RBPJ: variants seen among roughly 807,000 people sequenced by gnomAD.
RBPJ encodes recombination signal binding protein for immunoglobulin kappa J region, also known as recombining binding protein suppressor of hairless.
In RBPJ, 9 loss-of-function variants were observed where a neutral mutation model predicts 67.8. That is an observed-to-expected ratio of 0.13 (90% CI 0.08 to 0.23). The LOEUF is 0.23. RBPJ is among the 10% of genes least tolerant of loss of function. RBPJ has a pLI of 1.00. For synonymous variants in RBPJ, 198 were observed against 203.3 expected (o/e 0.97, Z 0.22); for missense variants, 305 against 595.6 (o/e 0.51, Z 5.08).
chr4:26,401,823 G>A (rs773410388), intron 2 of RBPJ, among the ~76,000 whole-genome samples: 1 of 151,002 alleles, frequency 6.6e-6, no homozygotes, highest in Non-Finnish European at 1.5e-5. Flanking sequence ...GGGAAATTTT[G>A]TGCCAGTTTT....
At chr4:26,365,067 A>G (rs1325639710) in intron 1 of RBPJ, among the ~76,000 whole-genome samples, 1 of 150,826 alleles carries the variant, frequency 6.6e-6, no homozygotes, top group Non-Finnish European at 1.5e-5. Flanking sequence ...AAAAATAAGC[A>G]TATTGTTATA....
chr4:26,193,367 T>A lies in RBPJ; in HGVS notation c.-167+29753T>A, dbSNP rs186858718. Among the ~76,000 whole-genome samples, 1,316 of 152,330 alleles carry A rather than the reference T, an allele frequency of 8.6e-3. 13 individuals are homozygous for A. The highest frequency in any genetic ancestry group is 0.03 in the African/African-American group (1,264 of 41,566). ...ATATTGAAAATGAAGGTGCCTCTTGTCTCAGTTTTGGAATAAGTAAAGGTT... is the reference window on the plus strand; with the variant it reads ...ATATTGAAAATGAAGGTGCCTCTTGACTCAGTTTTGGAATAAGTAAAGGTT... On this transcript the variant is annotated intron_variant, in intron 1 of 4. Coordinates refer to the RBPJ transcript ENST00000512351.
At chr4:26,249,017 T>C (rs1720012498) in intron 1 of RBPJ, among the ~76,000 whole-genome samples, 1 of 152,204 alleles carries the variant, frequency 6.6e-6, no homozygotes, top group Admixed American at 6.5e-5. Flanking sequence ...GGTTTCAAAA[T>C]ATGAATTGTC....
chr4:26,135,339 G>A, the RBPJ span, among the ~76,000 whole-genome samples: 1 of 152,052 alleles, frequency 6.6e-6, no homozygotes, highest in Non-Finnish European at 1.5e-5. Context: ...ACAACCCTCT[G>A]AAGGAGTGTG....
intron 4 of RBPJ, 80 bp from the exon 5 acceptor site, chr4:26,420,471 A>T (rs772781963): frequency 2.0e-4 from 189 of 932,240 alleles, no homozygotes; most frequent in Non-Finnish European, 2.7e-4. Flanking sequence ...TATTACTTAA[A>T]CCATGGCCAT....
chr4:26,244,891 C>A (rs1719875056), intron 1 of RBPJ, among the ~76,000 whole-genome samples: 2 of 151,904 alleles, frequency 1.3e-5, no homozygotes, highest in African/African-American at 4.8e-5. Flanking sequence ...GCCTCAGCCT[C>A]GCAAAGTGCT....
chr4:26,149,700 A>G, the RBPJ span, among the ~76,000 whole-genome samples: 2 of 152,212 alleles, frequency 1.3e-5, no homozygotes, highest in African/African-American at 2.4e-5. Flanking sequence ...TCCAGGTGCC[A>G]GCACCTTGTT....
At position 26,430,076 on chromosome 4, in the gene RBPJ, G is replaced by T; in HGVS notation, c.1044+23G>T. On this transcript the variant is annotated intron_variant, in intron 9 of 10. Transcript: ENST00000355476. This position sits in a 1 kb window ranked among gnomAD's most constrained non-coding sequence, Gnocchi z 4.1. ...CAGGTGAGAACGCCTAGTCCAAGTT[G>T]GCCTTCAGCTCTTTGCAGCTACTCT... The T allele has an allele frequency of 6.2e-7, 1 of 1,613,308 alleles. No individual in the cohort carries two copies. The highest frequency in any genetic ancestry group is 2.2e-5 in the East Asian group (1 of 44,880).
At chr4:26,109,472 A>C in the RBPJ span, among the ~76,000 whole-genome samples, 5 of 43,668 alleles carry the variant, frequency 1.1e-4, no homozygotes, top group African/African-American at 4.5e-4. Context: ...ATATATATAT[A>C]TATATATATA....
rs1553849146 is a variant in RBPJ, at chr4:26,210,686, C to CCTTT, written c.-167+47090_-167+47093dup. Among the ~76,000 whole-genome samples the CCTTT allele has an allele frequency of 4.7e-4, 31 of 65,434 alleles. 1 individual carries two copies. The highest frequency in any genetic ancestry group is 1.5e-3 in the African/African-American group (29 of 18,930). 42.9% of individuals were successfully genotyped at this position (65,434 alleles called of 152,430 possible). ...TTTTTCTTTCTTTCTTTCTTTCTTT[C>CCTTT]CTTTCTTTCTTTCTTTCTTTCCTTC... is the stretch of plus-strand genomic sequence containing the variant. On this transcript the variant is annotated intron_variant, in intron 1 of 4. Transcript: ENST00000512351.
intron 1 of RBPJ, among the ~76,000 whole-genome samples, chr4:26,250,888 A>G (rs1720087311): frequency 6.6e-6 from 1 of 152,186 alleles, no homozygotes; most frequent in East Asian, 1.9e-4. Context: ...ATTGCTTTGT[A>G]TTCCATCGTG....
chr4:26,155,234 T>C, the RBPJ span, among the ~76,000 whole-genome samples: 2 of 152,152 alleles, frequency 1.3e-5, no homozygotes, highest in South Asian at 2.1e-4. Flanking sequence ...TTTGACCATT[T>C]CCAGCTAACT....
intron 2 of RBPJ, among the ~76,000 whole-genome samples, chr4:26,400,009 TAAATG>T (rs1303187599): frequency 6.6e-6 from 1 of 152,216 alleles, no homozygotes; most frequent in African/African-American, 2.4e-5. Context: ...AAGAAATCAT[TAAATG>T]AAATTAGTAA....
At chr4:26,129,993 C>T in the RBPJ span, among the ~76,000 whole-genome samples, 3 of 152,130 alleles carry the variant, frequency 2.0e-5, no homozygotes, top group Non-Finnish European at 4.4e-5. Flanking sequence ...TTCTTAGTAG[C>T]TGGGAGTACA....
intron 1 of RBPJ, among the ~76,000 whole-genome samples, chr4:26,351,542 G>C (rs1380366287): frequency 6.6e-6 from 1 of 152,172 alleles, no homozygotes; most frequent in East Asian, 1.9e-4. Flanking sequence ...CACCACACCT[G>C]GCTAATTTTT....
chr4:26,165,850 A>G (rs1716267556), intron 1 of RBPJ, among the ~76,000 whole-genome samples: 1 of 146,588 alleles, frequency 6.8e-6, no homozygotes, highest in Non-Finnish European at 1.5e-5. Flanking sequence ...ATGTCTCCTA[A>G]TGCTATCCCT....
At chr4:26,327,542 GTTTTTTTTT>G (rs11350013) in intron 1 of RBPJ, among the ~76,000 whole-genome samples, 19 of 104,904 alleles carry the variant, frequency 1.8e-4, no homozygotes, top group African/African-American at 3.4e-4. Flanking sequence ...GACCCTGGAG[GTTTTTTTTT>G]TTTTTTTTTT....
At chr4:26,395,781 T>A (rs1321862231) in intron 2 of RBPJ, among the ~76,000 whole-genome samples, 1 of 152,236 alleles carries the variant, frequency 6.6e-6, no homozygotes, top group African/African-American at 2.4e-5. Flanking sequence ...ACTAAGACGA[T>A]TATATGTTCA....
At chr4:26,313,671 TAA>T (rs752022285) in intron 1 of RBPJ, among the ~76,000 whole-genome samples, 13 of 137,586 alleles carry the variant, frequency 9.4e-5, no homozygotes, top group Admixed American at 1.5e-4. Flanking sequence ...CTCCGTCTCT[TAA>T]AAAAAAAAAA....
Sources: gnomAD v4.1 joint callset for allele counts (sites outside exome capture counted in the v4.1 genomes callset) on GRCh38, gnomAD v4.1.1 for gene constraint, Gnocchi (gnomAD v3.1) non-coding constraint, MANE v1.5 for transcripts, NCBI Gene and HGNC (gene_info 2026-07-23, HGNC 2026-07-21) for gene names.